The following TLN2 variants were observed in gnomAD, a reference collection of about 807,000 sequenced individuals.
The protein encoded by TLN2 is talin 2.
In TLN2, 118 loss-of-function variants were observed where a neutral mutation model predicts 294.7. The observed-to-expected ratio is 0.40, with a 90% CI of 0.34 to 0.47. The LOEUF (loss-of-function observed/expected upper bound fraction) is 0.47, where lower values mean the gene tolerates loss of function less well. TLN2 is among the 20% of genes least tolerant of loss of function. The pLI, the probability that TLN2 is intolerant of heterozygous loss-of-function variation, is 0.84. For synonymous variants in TLN2, 1,431 were observed against 1,304.5 expected (o/e 1.10, Z -2.09); for missense variants, 3,083 against 3,282.2 (o/e 0.94, Z 1.48).
At chr15:62,769,677 T>C (rs560521978) in intron 41 of TLN2, among the ~76,000 whole-genome samples, 1 of 152,084 alleles carries the variant, frequency 6.6e-6, no homozygotes, top group Admixed American at 6.5e-5. Context: ...CTCCACCCTC[T>C]CCTGCTGGCC....
At chr15:62,440,099 C>T (rs967242845) in intron 1 of TLN2, among the ~76,000 whole-genome samples, 4 of 152,112 alleles carry the variant, frequency 2.6e-5, no homozygotes, top group East Asian at 1.9e-4. Flanking sequence ...ATGAAGAACC[C>T]GCCATGTGCT....
intron 1 of TLN2, among the ~76,000 whole-genome samples, chr15:62,531,481 A>G (rs1451452933): frequency 3.3e-5 from 5 of 152,148 alleles, no homozygotes. Context: ...TGCTTTGGGT[A>G]TATTGCACAG....
intron 1 of TLN2, among the ~76,000 whole-genome samples, chr15:62,520,256 A>T (rs1267875225): frequency 6.6e-6 from 1 of 152,238 alleles, no homozygotes; most frequent in Non-Finnish European, 1.5e-5. Flanking sequence ...TACGGAATGT[A>T]TGCCATTTCT....
Position 62,708,683 on chromosome 15 carries a change from T to C in TLN2, c.2354T>C (p.Leu785Pro). The change falls in exon 21 of 59, where the codon CTG (leucine) becomes CCG (proline). Residue 785 changes from leucine (L) to proline (P), a missense_variant. Coordinates refer to ENST00000636159, the MANE Select transcript of TLN2 (RefSeq NM_015059.3). ...SVVSQALHDL[L>P]QHVRQFASRG... The stretch of plus-strand genomic sequence containing the variant: ...GTCAGCCAGGCCCTCCATGATCTCC[T>C]GCAGCATGTGCGGCAGTTTGCCAGC... 3 of 1,614,102 alleles carry C rather than the reference T, an allele frequency of 1.9e-6. No individual in the cohort carries two copies. Among genetic ancestry groups the C allele is most frequent in the Non-Finnish European group, 2.5e-6 (3 of 1,180,040 alleles).
intron 54 of TLN2, chr15:62,832,238 G>A (rs2068941087): frequency 6.6e-6 from 1 of 151,450 alleles, no homozygotes; most frequent in Non-Finnish European, 1.5e-5. Flanking sequence ...TAATGCCACT[G>A]AATTGTACAC....
chr15:62,776,526 T>C (rs2063729556), intron 42 of TLN2, among the ~76,000 whole-genome samples: 1 of 152,230 alleles, frequency 6.6e-6, no homozygotes, highest in Non-Finnish European at 1.5e-5. Context: ...TCATAAGATT[T>C]TGATATTGCA....
intron 46 of TLN2, among the ~76,000 whole-genome samples, chr15:62,795,168 T>C (rs1392033394): frequency 6.6e-6 from 1 of 152,038 alleles, no homozygotes; most frequent in Non-Finnish European, 1.5e-5. Context: ...GCTTGGTGGC[T>C]TTTCCTTCTT....
chr15:62,416,188 A>G (rs2034071938), intron 1 of TLN2, among the ~76,000 whole-genome samples: 2 of 152,294 alleles, frequency 1.3e-5, no homozygotes, highest in Admixed American at 6.5e-5. Context: ...AGTCCCAGCT[A>G]CTTGGGAAGC....
chr15:62,820,555 C>A lies in TLN2; in HGVS notation c.6947C>A (p.Ser2316Tyr), dbSNP rs1301538264. 4 of 1,613,976 alleles carry A rather than the reference C, an allele frequency of 2.5e-6. No individual in the cohort carries two copies. Among genetic ancestry groups the A allele is most frequent in the African/African-American group, 1.3e-5 (1 of 75,012 alleles). ...AETELLGAAASIEAAAKKLEQ... is the reference protein window; with the variant it reads ...AETELLGAAAYIEAAAKKLEQ... ...ACAGAGTTACTGGGGGCTGCAGCAT[C>A]CATCGAAGCTGCTGCTAAGAAGTTA... Residue 2316 changes from serine to tyrosine, a missense_variant, in exon 54 of 59, where the codon TCC becomes TAC. By Grantham distance (144) the Ser-to-Tyr change is moderately radical (BLOSUM62 -2). Transcript: ENST00000636159.
At chr15:62,638,775 A>C (rs2050670350) in intron 3 of TLN2, among the ~76,000 whole-genome samples, 2 of 152,094 alleles carry the variant, frequency 1.3e-5, no homozygotes, top group African/African-American at 4.8e-5. Flanking sequence ...TCTCTGTGTC[A>C]GGTACTTTAT....
chr15:62,459,809 TG>T (rs1449472436), intron 1 of TLN2, among the ~76,000 whole-genome samples: 104 of 152,292 alleles, frequency 6.8e-4, no homozygotes, highest in African/African-American at 2.2e-3. Flanking sequence ...GGCCACTTAG[TG>T]TCTGAGGTCC....
At chr15:62,780,767 G>A (rs2064097323) in intron 43 of TLN2, among the ~76,000 whole-genome samples, 2 of 151,910 alleles carry the variant, frequency 1.3e-5, no homozygotes, top group South Asian at 2.1e-4. Context: ...GGCACTTTGC[G>A]CTTCCCTAGA....
At chr15:62,768,369 A>G (rs538760096) in intron 41 of TLN2, among the ~76,000 whole-genome samples, 21 of 152,154 alleles carry the variant, frequency 1.4e-4, no homozygotes, top group African/African-American at 4.8e-4. Flanking sequence ...TGTCGCGCTG[A>G]TCCCTGCTTT....
At chr15:62,546,583 T>C (rs936450180) in intron 1 of TLN2, among the ~76,000 whole-genome samples, 1 of 152,154 alleles carries the variant, frequency 6.6e-6, no homozygotes, top group Non-Finnish European at 1.5e-5. Context: ...GAAGGTTTGT[T>C]TTTTCTATCC....
chr15:62,602,780 C>T (rs1321878525), intron 2 of TLN2, among the ~76,000 whole-genome samples: 1 of 151,916 alleles, frequency 6.6e-6, no homozygotes, highest in Non-Finnish European at 1.5e-5. Flanking sequence ...TCCCAAAGGC[C>T]CCACCTCCAA....
In TLN2 at chr15:62,760,201, G is replaced by A. The variant is rs185653299; in HGVS notation, c.4639-1480G>A. On this transcript the variant is annotated intron_variant, in intron 37 of 58. Transcript: ENST00000636159. ...GGGGGAAGGGCATGAGCCAAGGCAAGCCAGGTACTATATTAGCAAAAAACA... is the reference window on the plus strand; with the variant it reads ...GGGGGAAGGGCATGAGCCAAGGCAAACCAGGTACTATATTAGCAAAAAACA... Among the ~76,000 whole-genome samples the A allele has an allele frequency of 1.8e-3, 274 of 152,346 alleles. 2 individuals carry two copies. Among genetic ancestry groups the A allele is most frequent in the African/African-American group, 6.0e-3 (250 of 41,582 alleles).
chr15:62,764,536 G>C (rs956322614), intron 40 of TLN2, among the ~76,000 whole-genome samples: 6 of 152,152 alleles, frequency 3.9e-5, no homozygotes, highest in Non-Finnish European at 7.4e-5. Flanking sequence ...CAAACTGTGT[G>C]GGATGCCAGA....
At chr15:62,442,442 C>G (rs535904910) in intron 1 of TLN2, among the ~76,000 whole-genome samples, 2 of 140,888 alleles carry the variant, frequency 1.4e-5, no homozygotes, top group Admixed American at 7.7e-5. Flanking sequence ...TGCAGTGAGC[C>G]GAGACTACGC....
At chr15:62,465,567 G>A (rs578166260) in intron 1 of TLN2, among the ~76,000 whole-genome samples, 1 of 152,320 alleles carries the variant, frequency 6.6e-6, no homozygotes, top group East Asian at 1.9e-4. Context: ...CTAAGTTGTT[G>A]TCTTCCATGG....
Sources: gnomAD v4.1 joint callset for allele counts (sites outside exome capture counted in the v4.1 genomes callset) on GRCh38, gnomAD v4.1.1 for gene constraint, MANE v1.5 for transcripts, NCBI Gene and HGNC (gene_info 2026-07-23, HGNC 2026-07-21) for gene names.